NTNG1: variants seen among roughly 807,000 people sequenced by gnomAD.
NTNG1 encodes the protein netrin-G1.
Under a neutral mutation model 54.0 loss-of-function variants are expected in NTNG1, and 16 were observed. The observed-to-expected ratio is 0.30, with a 90% CI of 0.20 to 0.45. The LOEUF (loss-of-function observed/expected upper bound fraction) is 0.45, where lower values mean the gene tolerates loss of function less well. Ranked by LOEUF, NTNG1 falls within the 20% of genes least tolerant of loss-of-function variation. NTNG1 has a pLI of 1.00. For synonymous variants in NTNG1, 255 were observed against 263.1 expected, an observed-to-expected ratio of 0.97 and a Z score of 0.30; for missense variants, 530 against 678.7, an observed-to-expected ratio of 0.78 and a Z score of 2.43.
intron 3 of NTNG1, among the ~76,000 whole-genome samples, chr1:107,338,362 T>A (rs1055165711): frequency 1.3e-5 from 2 of 151,988 alleles, no homozygotes; most frequent in Non-Finnish European, 2.9e-5. Flanking sequence ...ACACCACTGT[T>A]TGACTCATGT....
At chr1:107,160,443 G>A (rs867217391) in intron 2 of NTNG1, among the ~76,000 whole-genome samples, 4 of 151,990 alleles carry the variant, frequency 2.6e-5, no homozygotes, top group Non-Finnish European at 4.4e-5. Flanking sequence ...CTAGACTCCC[G>A]CAGTATCTCC....
intron 2 of NTNG1, among the ~76,000 whole-genome samples, chr1:107,189,416 T>C (rs1171725555): frequency 1.4e-5 from 2 of 145,684 alleles, no homozygotes; most frequent in Admixed American, 1.4e-4. Flanking sequence ...AAAATGTAAG[T>C]AACTCTTAGT....
In NTNG1 at chr1:107,366,880, A is replaced by C. The variant is rs932176531; in HGVS notation, c.888-28274A>C. On this transcript the variant is annotated intron_variant, in intron 3 of 7. Transcript: ENST00000370068. ...CAGACCTTTAAATTTCTGGTCATTT[A>C]AAATCCTATTTTAGTATTCCAAGAA... Among the ~76,000 whole-genome samples the C allele has an allele frequency of 2.6e-5, 4 of 152,348 alleles. No individual in the cohort carries two copies. The East Asian group carries it at 7.7e-4, about 29-fold the overall frequency.
intron 5 of NTNG1, chr1:107,418,751 T>C (rs1226271460): frequency 1.6e-6 from 1 of 636,684 alleles, no homozygotes; most frequent in African/African-American, 1.9e-5. Context: ...GAATGCTATG[T>C]CTTTGAAAGA....
chr1:107,456,386 G>T (rs142776312), intron 7 of NTNG1, among the ~76,000 whole-genome samples: 6 of 152,292 alleles, frequency 3.9e-5, no homozygotes, highest in African/African-American at 1.4e-4. Context: ...TGAAGAGAGA[G>T]TGGGATTTGT....
chr1:107,184,445 C>A (rs947425413), intron 2 of NTNG1, among the ~76,000 whole-genome samples: 1 of 152,058 alleles, frequency 6.6e-6, no homozygotes, highest in Non-Finnish European at 1.5e-5. Flanking sequence ...CCGGTTGTTG[C>A]CACTGAGTAG....
At chr1:107,332,750 A>T (rs958109047) in intron 3 of NTNG1, among the ~76,000 whole-genome samples, 1 of 152,074 alleles carries the variant, frequency 6.6e-6, no homozygotes, top group Non-Finnish European at 1.5e-5. Flanking sequence ...GTGGATTGAT[A>T]TATTGATTCT....
chr1:107,302,252 T>A (rs1666365678), intron 2 of NTNG1, among the ~76,000 whole-genome samples: 1 of 152,112 alleles, frequency 6.6e-6, no homozygotes, highest in South Asian at 2.1e-4. Flanking sequence ...AATCCTGGCT[T>A]TGGGTCAAAG....
intron 3 of NTNG1, among the ~76,000 whole-genome samples, chr1:107,356,400 T>A (rs934130408): frequency 2.6e-5 from 4 of 152,076 alleles, no homozygotes; most frequent in Admixed American, 6.5e-5. Context: ...TTCAAGTGAT[T>A]GTTGTGCCTC....
At chr1:107,347,201 G>A (rs189752032) in intron 3 of NTNG1, among the ~76,000 whole-genome samples, 23 of 152,194 alleles carry the variant, frequency 1.5e-4, no homozygotes, top group Non-Finnish European at 2.4e-4. Flanking sequence ...TAGTTTCCAC[G>A]TCAGTAAAGT....
intron 7 of NTNG1, among the ~76,000 whole-genome samples, chr1:107,478,433 A>G (rs1678471391): frequency 6.6e-6 from 1 of 152,208 alleles, no homozygotes; most frequent in South Asian, 2.1e-4. Flanking sequence ...AATTACTTAA[A>G]TGCAGGAAAA....
intron 2 of NTNG1, among the ~76,000 whole-genome samples, chr1:107,184,185 G>A (rs1456030327): frequency 6.6e-6 from 1 of 152,106 alleles, no homozygotes; most frequent in Non-Finnish European, 1.5e-5. Context: ...GAGGCTCTTT[G>A]GATGCAGTTC....
intron 3 of NTNG1, among the ~76,000 whole-genome samples, chr1:107,344,356 T>C (rs1026822114): frequency 1.3e-5 from 2 of 152,168 alleles, no homozygotes; most frequent in South Asian, 4.1e-4. Flanking sequence ...TTTGTTGTTT[T>C]GTTTTGTTTT....
intron 2 of NTNG1, among the ~76,000 whole-genome samples, chr1:107,322,636 C>T (rs759011538): frequency 1.2e-4 from 18 of 151,938 alleles, no homozygotes; most frequent in Non-Finnish European, 2.4e-4. Flanking sequence ...TGATTTATTC[C>T]ACCTGGAACA....
chr1:107,349,823 C>T (rs543300469), intron 3 of NTNG1, among the ~76,000 whole-genome samples: 11 of 152,194 alleles, frequency 7.2e-5, no homozygotes, highest in Non-Finnish European at 1.6e-4. Flanking sequence ...CACAGTTTAT[C>T]TATACTCCTG....
intron 4 of NTNG1, among the ~76,000 whole-genome samples, chr1:107,397,306 AG>A (rs1246731795): frequency 6.6e-6 from 1 of 152,206 alleles, no homozygotes; most frequent in African/African-American, 2.4e-5. Flanking sequence ...AATTAGATGA[AG>A]GGTTTTAGAA....
intron 7 of NTNG1, among the ~76,000 whole-genome samples, chr1:107,477,352 C>T (rs1034157744): frequency 2.0e-5 from 3 of 152,218 alleles, no homozygotes; most frequent in Admixed American, 1.3e-4. Context: ...CGTTGCTGGG[C>T]AGTACTGTTA....
intron 5 of NTNG1, among the ~76,000 whole-genome samples, chr1:107,426,676 G>T (rs1342605144): frequency 1.3e-5 from 2 of 151,846 alleles, no homozygotes; most frequent in South Asian, 2.1e-4. Context: ...GGGGGGTGGG[G>T]TTCCATATGA....
At chr1:107,174,492 G>C (rs148781900) in intron 2 of NTNG1, among the ~76,000 whole-genome samples, 1 of 151,842 alleles carries the variant, frequency 6.6e-6, no homozygotes, top group Non-Finnish European at 1.5e-5. Flanking sequence ...AAGCCATTAG[G>C]TTACTTTTAT....
Sources: gnomAD v4.1 joint callset for allele counts (sites outside exome capture counted in the v4.1 genomes callset) on GRCh38, gnomAD v4.1.1 for gene constraint, MANE v1.5 for transcripts, NCBI Gene and HGNC (gene_info 2026-07-23, HGNC 2026-07-21) for gene names.